The following ADAMTS1 variants were observed in gnomAD, a reference collection of about 807,000 sequenced individuals.
ADAMTS1 encodes the protein ADAM metallopeptidase with thrombospondin type 1 motif 1, also known as A disintegrin and metalloproteinase with thrombospondin motifs 1.
A neutral mutation model predicts 87.9 loss-of-function variants in ADAMTS1; 19 were observed. That is an observed-to-expected ratio of 0.22 (90% CI 0.15 to 0.32). ADAMTS1 has a LOEUF of 0.32. Ranked by LOEUF, ADAMTS1 falls within the 10% of genes least tolerant of loss-of-function variation. The pLI is 1.00. For missense variants in ADAMTS1, 1,240 were observed against 1,259.1 expected (o/e 0.98, Z 0.23); for synonymous variants, 542 against 501.8 (o/e 1.08, Z -1.07).
At chr21:26,839,491 A>T in intron 7 of ADAMTS1, 96 bp downstream of exon 7, 3 of 1,147,526 alleles carry the variant, frequency 2.6e-6, no homozygotes, top group Non-Finnish European at 3.6e-6. Flanking sequence ...AAGATATGTT[A>T]ATATGGAAAG....
intron 2 of ADAMTS1, 34 bp from the exon 3 acceptor site, chr21:26,842,024 G>A (rs1257459529): frequency 5.0e-6 from 8 of 1,607,198 alleles, no homozygotes; most frequent in Non-Finnish European, 6.8e-6. Context: ...TTATTAATAA[G>A]GGGAGCATGA....
intron 1 of ADAMTS1, chr21:26,843,906 C>G: frequency 2.0e-6 from 1 of 496,194 alleles, no homozygotes; most frequent in Non-Finnish European, 3.8e-6. Context: ...AAAGAACTCG[C>G]ACAAGCTCCA....
At position 26,836,938 on chromosome 21, in the gene ADAMTS1, A is replaced by G. The variant is rs919175169; in HGVS notation, c.*641T>C. 3 of 152,256 alleles carry G rather than the reference A, an allele frequency of 2.0e-5. No individual in the cohort carries two copies. The highest frequency in any genetic ancestry group is 7.2e-5 in the African/African-American group (3 of 41,438). 9.4% of individuals were successfully genotyped at this position (152,256 alleles called of 1,614,324 possible). On this transcript the variant is annotated 3_prime_UTR_variant, in exon 9 of 9. Coordinates refer to ENST00000284984, the MANE Select transcript of ADAMTS1 (RefSeq NM_006988.5). ...TTTTTTCCTCAAAATGAATTACACA[A>G]ATAAAGACTGAGATGGTCCAAAAAA...
Position 26,838,052 on chromosome 21 carries a change from T to G in ADAMTS1, c.2431A>C (p.Ile811Leu). 14 of 1,614,226 alleles carry G rather than the reference T, an allele frequency of 8.7e-6. No individual in the cohort carries two copies. Among genetic ancestry groups the G allele is most frequent in the Non-Finnish European group, 1.2e-5 (14 of 1,180,046 alleles). Residue 811 changes from isoleucine (I) to leucine (L), a missense_variant, in exon 9 of 9, where the codon ATT becomes CTT. This residue lies in a region of ADAMTS1 where 402 missense variants were observed against 399.1 expected (regional missense o/e 1.01). Transcript: ENST00000284984. ...YSGSSAALERIRSFSPLKEPL... is the reference protein window; with the variant it reads ...YSGSSAALERLRSFSPLKEPL... ...TCTTTGAGAGGGCTAAAGCTGCGAA[T>G]TCTTTCCAATGCCGCAGAGGAGCCG...
Position 26,838,720 on chromosome 21 carries a change from A to G in ADAMTS1, c.2029-106T>C, listed in dbSNP as rs566676780. On this transcript the variant is annotated intron_variant, in intron 7 of 8. Coordinates refer to ENST00000284984, the MANE Select transcript of ADAMTS1 (RefSeq NM_006988.5). ...CTACTTTCCTGACCATGCTAATTAA[A>G]CACAGTACCCTCTACACATTATGCA... 35 of 1,119,486 alleles carry G rather than the reference A, an allele frequency of 3.1e-5. 1 individual carries two copies. The South Asian group carries it at 5.2e-4, about 17-fold the overall frequency. 69.3% of individuals were successfully genotyped at this position (1,119,486 alleles called of 1,614,324 possible). A position where few individuals can be genotyped will look rare whatever the true frequency, so the allele number is the denominator to read the frequency against.
chr21:26,844,878 C>G lies in ADAMTS1; in HGVS notation c.77G>C (p.Gly26Ala). Reference protein sequence around the residue: ...SDMGNAERAPGSRSFGPVPTL... With the variant: ...SDMGNAERAPASRSFGPVPTL... ...GGGTACTGGCCCAAAGCTCCGAGAC[C>G]CCGGAGCCCGCTCCGCGTTCCCCAT... is the stretch of plus-strand genomic sequence containing the variant. The change falls in exon 1 of 9, where the codon GGG becomes GCG. Residue 26 changes from glycine (G) to alanine (A), a missense_variant. This residue lies in a region of ADAMTS1 where 521 missense variants were observed against 449.7 expected (regional missense o/e 1.16). Coordinates refer to ENST00000284984, the MANE Select transcript of ADAMTS1 (RefSeq NM_006988.5). The G allele has an allele frequency of 6.5e-7, 1 of 1,540,438 alleles. No homozygotes were observed. The highest frequency in any genetic ancestry group is 8.7e-7 in the Non-Finnish European group (1 of 1,144,690).
At position 26,843,959 on chromosome 21, in the gene ADAMTS1, C is replaced by G. The variant is rs1224975285; in HGVS notation, c.730+266G>C. Among the ~76,000 whole-genome samples, 3 of 152,208 alleles carry G rather than the reference C, an allele frequency of 2.0e-5. No homozygotes were observed. The East Asian group carries it at 5.8e-4, about 29-fold the overall frequency. ...GGAGTCAGGTTACAAACTCTCCCTC[C>G]CCGGCCTAAATGCTTTGCTTTAGTT... On this transcript the variant is annotated intron_variant, in intron 1 of 8. Coordinates refer to ENST00000284984, the MANE Select transcript of ADAMTS1 (RefSeq NM_006988.5).
chr21:26,843,369 CT>C, intron 1 of ADAMTS1: 1 of 425,598 alleles, frequency 2.3e-6, no homozygotes, highest in Non-Finnish European at 4.8e-6. Flanking sequence ...CTAAACTGGG[CT>C]GCGACCACTT....
rs1014137323 is a variant in ADAMTS1 at position 26,837,312 on chromosome 21, AAATAAT to A, written c.*261_*266del. The A allele has an allele frequency of 1.9e-4, 71 of 369,964 alleles. No individual in the cohort carries two copies. Among genetic ancestry groups the A allele is most frequent in the Admixed American group, 6.2e-4 (15 of 24,198 alleles). The allele number at this position is 369,964 out of a possible 1,614,324, so 22.9% of individuals were successfully genotyped here. ...AAACTTGTAATAGATGTAACAAAAG[AAATAAT>A]AATAATAATGCCCGGGGCTTTATTA... On this transcript the variant is annotated 3_prime_UTR_variant, in exon 9 of 9. Coordinates refer to ENST00000284984, the MANE Select transcript of ADAMTS1 (RefSeq NM_006988.5).
At chr21:26,840,802 T>G (rs1404339314) in intron 4 of ADAMTS1, among the ~76,000 whole-genome samples, 196 bp downstream of exon 4, 2 of 152,212 alleles carry the variant, frequency 1.3e-5, no homozygotes, top group East Asian at 3.9e-4. Context: ...TGTGAATGAA[T>G]GGGCTTTGGG....
At chr21:26,842,062 G>A (rs994167162) in intron 2 of ADAMTS1, 72 bp from the exon 3 acceptor site, 2 of 1,532,030 alleles carry the variant, frequency 1.3e-6, no homozygotes, top group African/African-American at 2.8e-5. Context: ...TTTTGGCAGG[G>A]TGTGCCTTCA....
In ADAMTS1 at chr21:26,839,859, G is replaced by C. The variant is rs1601922295; in HGVS notation, c.1852+16C>G. 6.2e-7 allele frequency: 1 copy of C among 1,609,902 alleles called. No individual in the cohort carries two copies. The highest frequency in any genetic ancestry group is 1.3e-5 in the African/African-American group (1 of 74,642). ...TTTAATCCAGTTTCTTAAAACCAGAGTCCGTTGCTCCTCACCATTATTGTC... is the reference window on the plus strand; with the variant it reads ...TTTAATCCAGTTTCTTAAAACCAGACTCCGTTGCTCCTCACCATTATTGTC... On this transcript the variant is annotated intron_variant, in intron 6 of 8. Transcript: ENST00000284984.
At chr21:26,843,048 C>T (rs770335342) in intron 1 of ADAMTS1, 1 of 283,006 alleles carries the variant, frequency 3.5e-6, no homozygotes, top group Non-Finnish European at 6.8e-6. Flanking sequence ...GTCACTCTTT[C>T]ACAGGCGAGG....
At chr21:26,843,072 A>G (rs1601923967) in intron 1 of ADAMTS1, 1 of 270,660 alleles carries the variant, frequency 3.7e-6, no homozygotes, top group Admixed American at 5.1e-5. Flanking sequence ...CAAATCCTGA[A>G]TGAGATCATC....
chr21:26,843,743 T>C (rs775896621), intron 1 of ADAMTS1: 5 of 501,484 alleles, frequency 1.0e-5, no homozygotes, highest in Non-Finnish European at 2.0e-5. Context: ...TCAGGGTACC[T>C]TCCCAGGTCA....
rs760591954 is a variant in ADAMTS1, at chr21:26,844,286, C to T, written c.669G>A (p.Glu223=). 2 of 1,606,026 alleles carry T rather than the reference C, an allele frequency of 1.2e-6. No homozygotes were observed. The highest frequency in any genetic ancestry group is 1.7e-4 in the Middle Eastern group (1 of 6,036). Residue 223 remains glutamate, a synonymous_variant, in exon 1 of 9, where the codon GAG becomes GAA. Coordinates refer to ENST00000284984, the MANE Select transcript of ADAMTS1 (RefSeq NM_006988.5). ...GCGGCGACCACTGAGCCCCTTCGTC[C>T]TCGCCCTCAGTCCCTTCGTCCTCGT... ...TEDEDEGTEG[E]DEGAQWSPQD...
Position 26,844,907 on chromosome 21 carries a change from G to T in ADAMTS1, c.48C>A (p.Ser16Arg). 3.9e-6 allele frequency: 6 copies of T among 1,522,808 alleles called. No individual in the cohort carries two copies. Among genetic ancestry groups the T allele is most frequent in the Non-Finnish European group, 5.3e-6 (6 of 1,136,738 alleles). 94.3% of individuals were successfully genotyped at this position (1,522,808 alleles called of 1,614,324 possible). Reference sequence around the variant, plus strand: ...GAGCCCGCTCCGCGTTCCCCATGTCGCTGCCCAGCTTGCGCCTTCCGAACC... The same window carrying T: ...GAGCCCGCTCCGCGTTCCCCATGTCTCTGCCCAGCTTGCGCCTTCCGAACC... Reference protein sequence around the residue: ...PEGFGRRKLGSDMGNAERAPG... With the variant: ...PEGFGRRKLGRDMGNAERAPG... Residue 16 changes from serine to arginine, a missense_variant, in exon 1 of 9, where the codon AGC (serine) becomes AGA (arginine). Coordinates refer to ENST00000284984, the MANE Select transcript of ADAMTS1 (RefSeq NM_006988.5).
chr21:26,838,309 T>C, intron 8 of ADAMTS1, 31 bp from the exon 9 acceptor site: 1 of 1,579,688 alleles, frequency 6.3e-7, no homozygotes, highest in Non-Finnish European at 8.6e-7. Context: ...CATAAATCTC[T>C]GATTCATTGG....
chr21:26,839,917 G>A lies in ADAMTS1; in HGVS notation c.1810C>T (p.Arg604Cys), dbSNP rs770017773. The A allele has an allele frequency of 1.2e-5, 19 of 1,613,802 alleles. No homozygotes were observed. Among genetic ancestry groups the A allele is most frequent in the South Asian group, 5.5e-5 (5 of 91,064 alleles). Residue 604 changes from arginine (R) to cysteine (C), a missense_variant, in exon 6 of 9, where the codon CGC (arginine) becomes TGC (cysteine). Arg to Cys is a radical substitution (Grantham distance 180, BLOSUM62 -3). Around this residue, in one of 3 missense-constraint regions of ADAMTS1, gnomAD observed 317 missense variants for 410.3 expected, o/e 0.77. Transcript: ENST00000284984. The part of the protein sequence containing the change: ...GGKYCEGKRV[R>C]YRSCNLEDCP... ...TCCTCAAGGTTACAGGATCTGTAGC[G>A]CACTCGTTTGCCTTCACAGTACTTC...
Sources: allele counts gnomAD v4.1 joint callset (sites outside exome capture counted in the v4.1 genomes callset), GRCh38; gene constraint gnomAD v4.1.1; regional missense constraint gnomAD v4.1.1; transcripts MANE v1.5; gene names NCBI Gene and HGNC (gene_info 2026-07-23, HGNC 2026-07-21).